The following PKHD1 variants were observed in gnomAD, a reference collection of about 807,000 sequenced individuals.
The protein encoded by PKHD1 is PKHD1 ciliary IPT domain containing fibrocystin/polyductin, also known as fibrocystin.
PKHD1 carries 291 observed loss-of-function variants against 412.0 expected under a neutral mutation model. That is an observed-to-expected ratio of 0.71 (90% CI 0.64 to 0.78). The LOEUF is 0.78. Ranked by LOEUF, PKHD1 falls within the 30% of genes least tolerant of loss-of-function variation. The pLI is 0.00. For missense variants in PKHD1, 4,825 were observed against 4,950.7 expected (o/e 0.97, Z 0.76); for synonymous variants, 1,777 against 1,821.5 (o/e 0.98, Z 0.62).
chr6:52,071,031 C>T lies in PKHD1; in HGVS notation c.642G>A (p.Gln214=), dbSNP rs762584715. ...IQEDHGLGTL[Q]CHVEGDYIGS... is the part of the protein sequence containing the mutation. ...CGATGTAGTCGCCTTCCACATGGCA[C>T]TGCAGAGTCCCAAGACCATGGTCCT... is the stretch of plus-strand genomic sequence containing the variant. Residue 214 remains glutamine, a synonymous_variant, in exon 9 of 67, where the codon CAG becomes CAA. Transcript: ENST00000371117. The T allele has an allele frequency of 1.2e-5, 19 of 1,606,650 alleles. No homozygotes were observed. The highest frequency in any genetic ancestry group is 1.6e-4 in the Middle Eastern group (1 of 6,062).
intron 64 of PKHD1, 98 bp from the exon 65 acceptor site, chr6:51,632,821 G>T: frequency 1.2e-6 from 1 of 843,734 alleles, no homozygotes; most frequent in Non-Finnish European, 1.9e-6. Context: ...TAGTATCTGG[G>T]ATATAGTAGG....
intron 51 of PKHD1, 93 bp from the exon 52 acceptor site, chr6:51,831,082 C>A (rs1180359170): frequency 1.2e-6 from 1 of 862,742 alleles, no homozygotes; most frequent in African/African-American, 1.7e-5. Context: ...ATTTTCACCT[C>A]CCAAAGAAGC....
Position 52,035,638 on chromosome 6 carries a change from C to T in PKHD1, c.3181G>A (p.Val1061Ile). The T allele has an allele frequency of 2.5e-6, 4 of 1,613,948 alleles. No homozygotes were observed. Among genetic ancestry groups the T allele is most frequent in the Non-Finnish European group, 3.4e-6 (4 of 1,179,858 alleles). ...ATTCTGCTTGAATTGCTTGTAGCGA[C>T]ATTGATGGCACACGAGTAAGATCCA... ...LFGSYSCAIN[V>I]ATSNSSRIQC... is the part of the protein sequence containing the mutation. Residue 1061 changes from valine to isoleucine, a missense_variant, in exon 28 of 67, where the codon GTC becomes ATC. Transcript: ENST00000371117.
chr6:52,050,280 G>C lies in PKHD1; in HGVS notation c.2156C>G (p.Ser719Cys), dbSNP rs763546717. The C allele has an allele frequency of 6.2e-6, 10 of 1,614,174 alleles. No individual in the cohort carries two copies. In the South Asian group the frequency reaches 1.1e-4, roughly 18 times the overall value. ...ATTGCCCCCTGGGCGAGCCGTTCCA[G>C]AATCAGCTTGAGAAACTAGAGACCA... ...DTNVTVSQAD[S>C]GTARPGGNLV... is the part of the protein sequence containing the mutation. The change falls in exon 22 of 67, where the codon TCT (serine) becomes TGT (cysteine). Residue 719 changes from serine (S) to cysteine (C), a missense_variant. Coordinates refer to ENST00000371117, the MANE Select transcript of PKHD1 (RefSeq NM_138694.4).
At chr6:51,677,655 C>G (rs1267475382) in intron 60 of PKHD1, among the ~76,000 whole-genome samples, 2 of 152,138 alleles carry the variant, frequency 1.3e-5, no homozygotes, top group Non-Finnish European at 2.9e-5. Context: ...GTCTGTAAGA[C>G]TTTCTGTTAA....
In PKHD1 at chr6:51,855,790, A is replaced by G; in HGVS notation, c.7911+103T>C. On this transcript the variant is annotated intron_variant, in intron 49 of 66. Transcript: ENST00000371117. ...TGCATCAGAATATGCCAAGACTTTC[A>G]ATAACGAGATAACCTGCTCCTCTTT... 7 of 936,144 alleles carry G rather than the reference A, an allele frequency of 7.5e-6. No homozygotes were observed. The South Asian group carries it at 9.2e-5, about 12-fold the overall frequency. 58.0% of individuals were successfully genotyped at this position (936,144 alleles called of 1,614,324 possible).
chr6:52,047,195 C>T (rs1805989116), intron 23 of PKHD1, among the ~76,000 whole-genome samples: 1 of 152,160 alleles, frequency 6.6e-6, no homozygotes. Context: ...GAGCTGTCTT[C>T]CATGAGAAGT....
chr6:52,028,479 A>G (rs1008590369), intron 29 of PKHD1, 128 bp from the exon 30 acceptor site: 16 of 862,220 alleles, frequency 1.9e-5, no homozygotes, highest in Admixed American at 1.5e-4. Context: ...CTTAAGAGTT[A>G]CGATACCAAC....
At chr6:51,849,731 G>C (rs1373195175) in intron 49 of PKHD1, among the ~76,000 whole-genome samples, 1 of 152,034 alleles carries the variant, frequency 6.6e-6, no homozygotes, top group East Asian at 1.9e-4. Flanking sequence ...CCCACTTTTT[G>C]ATGGGGTTGT....
rs113463576 is a variant in PKHD1, at chr6:51,988,702, A to G, written c.5751+21607T>C. Among the ~76,000 whole-genome samples, 698 of 152,234 alleles carry G rather than the reference A, an allele frequency of 4.6e-3. 6 individuals carry two copies. The highest frequency in any genetic ancestry group is 0.016 in the African/African-American group (660 of 41,524). On this transcript the variant is annotated intron_variant, in intron 35 of 66. Coordinates refer to ENST00000371117, the MANE Select transcript of PKHD1 (RefSeq NM_138694.4). ...CTTTACACCTGTAGATCCATTTAAA[A>G]CTCAAAAACCTTGCAGGAAGATATG...
At chr6:51,672,186 G>A (rs142923746) in intron 60 of PKHD1, among the ~76,000 whole-genome samples, 1 of 152,100 alleles carries the variant, frequency 6.6e-6, no homozygotes, top group Non-Finnish European at 1.5e-5. Flanking sequence ...TGCAACACCG[G>A]GTAAGTCGAC....
chr6:51,842,917 T>G (rs1382865760), intron 50 of PKHD1, among the ~76,000 whole-genome samples: 1 of 152,162 alleles, frequency 6.6e-6, no homozygotes. Flanking sequence ...ACCTTTTGCA[T>G]AAGTCAAGCC....
At chr6:51,953,025 A>G (rs1790582436) in intron 36 of PKHD1, among the ~76,000 whole-genome samples, 1 of 152,110 alleles carries the variant, frequency 6.6e-6, no homozygotes, top group Non-Finnish European at 1.5e-5. Flanking sequence ...ACCCAAAACC[A>G]TAAAAGAGTC....
intron 48 of PKHD1, among the ~76,000 whole-genome samples, chr6:51,866,304 C>T (rs532458490): frequency 2.8e-4 from 42 of 152,238 alleles, no homozygotes; most frequent in Middle Eastern, 3.4e-3. Flanking sequence ...GTTTCCAGAA[C>T]ATGGAATTTG....
chr6:52,050,127 A>T (rs759486507), intron 22 of PKHD1, 30 bp downstream of exon 22: 10 of 1,611,340 alleles, frequency 6.2e-6, no homozygotes, highest in Non-Finnish European at 8.5e-6. Flanking sequence ...TCTTAGGAGA[A>T]GGGACAGGTG....
At chr6:51,731,789 T>A (rs1783269680) in intron 60 of PKHD1, among the ~76,000 whole-genome samples, 1 of 152,216 alleles carries the variant, frequency 6.6e-6, no homozygotes, top group African/African-American at 2.4e-5. Flanking sequence ...TGTAGCTATT[T>A]AGTCTTTGAA....
At chr6:51,700,644 A>G (rs1006564965) in intron 60 of PKHD1, among the ~76,000 whole-genome samples, 8 of 152,040 alleles carry the variant, frequency 5.3e-5, no homozygotes, top group Admixed American at 6.6e-5. Context: ...GGAATCTGAG[A>G]TTAATATCTA....
At chr6:51,938,968 G>A (rs371397037) in intron 36 of PKHD1, among the ~76,000 whole-genome samples, 1 of 151,424 alleles carries the variant, frequency 6.6e-6, no homozygotes, top group East Asian at 1.9e-4. Context: ...TGCAGAAGAT[G>A]CGTTTTATCC....
intron 10 of PKHD1, among the ~76,000 whole-genome samples, chr6:52,069,856 G>A (rs1382274815): frequency 6.6e-6 from 1 of 152,124 alleles, no homozygotes; most frequent in Non-Finnish European, 1.5e-5. Flanking sequence ...ATGAGAAAGA[G>A]AGAAAATCTC....
Sources: allele counts gnomAD v4.1 joint callset (sites outside exome capture counted in the v4.1 genomes callset), GRCh38; gene constraint gnomAD v4.1.1; transcripts MANE v1.5; gene names NCBI Gene and HGNC (gene_info 2026-07-23, HGNC 2026-07-21).